CETP: variants seen among roughly 807,000 people sequenced by gnomAD.
The protein encoded by CETP is cholesteryl ester transfer protein.
CETP carries 56 observed loss-of-function variants against 66.5 expected under a neutral mutation model. That is an observed-to-expected ratio of 0.84 (90% CI 0.68 to 1.05). The LOEUF is 1.05. Ranked by LOEUF, CETP falls within the 50% of genes least tolerant of loss-of-function variation. The pLI is 0.00. For missense variants in CETP, 612 were observed against 609.6 expected, an observed-to-expected ratio of 1.00 and a Z score of -0.04; for synonymous variants, 251 against 245.7, an observed-to-expected ratio of 1.02 and a Z score of -0.20.
At chr16:56,963,409 G>T (rs1407000275) in intron 2 of CETP, among the ~76,000 whole-genome samples, 1 of 151,548 alleles carries the variant, frequency 6.6e-6, no homozygotes, top group Non-Finnish European at 1.5e-5. Flanking sequence ...TTATTTCGGG[G>T]TGAATGGGGG....
chr16:56,971,956 A>C (rs1404025438), intron 7 of CETP, 36 bp from the exon 8 acceptor site: 2 of 1,579,652 alleles, frequency 1.3e-6, no homozygotes, highest in South Asian at 1.1e-5. Context: ...CAATTCCCCC[A>C]TCCTGAGGCC....
intron 2 of CETP, among the ~76,000 whole-genome samples, chr16:56,967,064 G>A (rs555545158): frequency 1.6e-4 from 24 of 152,074 alleles, no homozygotes; most frequent in African/African-American, 5.1e-4. Flanking sequence ...AATTTGGTAC[G>A]TGGCTGGGCG....
At chr16:56,963,175 A>G (rs2056038186) in intron 2 of CETP, 51 bp downstream of exon 2, 1 of 1,451,346 alleles carries the variant, frequency 6.9e-7, no homozygotes, top group South Asian at 1.1e-5. Context: ...GGCGGGAGGA[A>G]CAGCCTGGGG....
At chr16:56,976,475 C>CTT (rs566143469) in intron 10 of CETP, among the ~76,000 whole-genome samples, 154 of 143,710 alleles carry the variant, frequency 1.1e-3, no homozygotes, top group African/African-American at 3.9e-3. Context: ...TCTTTTCTTT[C>CTT]TTTTTTTTTT....
At chr16:56,983,251 T>C in intron 14 of CETP, 75 bp from the exon 15 acceptor site, 4 of 1,200,050 alleles carry the variant, frequency 3.3e-6, no homozygotes, top group Non-Finnish European at 5.0e-6. Flanking sequence ...CATCTCCCAC[T>C]ACCCAGGGTG....
chr16:56,962,343 G>A (rs746230197), intron 1 of CETP: 1 of 709,340 alleles, frequency 1.4e-6, no homozygotes, highest in African/African-American at 1.7e-5. Context: ...ATAGGGATTT[G>A]TGTTTGTCTG....
chr16:56,974,500 T>C (rs1470862594), intron 9 of CETP, among the ~76,000 whole-genome samples: 1 of 151,164 alleles, frequency 6.6e-6, no homozygotes, highest in Non-Finnish European at 1.5e-5. Context: ...TGTTGCCAGA[T>C]AGATAGATGG....
At chr16:56,976,403 C>A (rs1229989566) in intron 10 of CETP, among the ~76,000 whole-genome samples, 1 of 152,114 alleles carries the variant, frequency 6.6e-6, no homozygotes, top group African/African-American at 2.4e-5. Context: ...TCCCACCCAG[C>A]GTAATTGTAA....
At chr16:56,971,602 A>G (rs1400865964) in intron 7 of CETP, among the ~76,000 whole-genome samples, 1 of 152,158 alleles carries the variant, frequency 6.6e-6, no homozygotes, top group Non-Finnish European at 1.5e-5. Flanking sequence ...AGTCTATAGA[A>G]CTCAGGACAA....
In CETP at chr16:56,969,926, G is replaced by A. The variant is rs1274872450; in HGVS notation, c.452G>A (p.Gly151Asp). The change falls in exon 5 of 16, where the codon GGT (glycine) becomes GAT (aspartate). Residue 151 changes from glycine (G) to aspartate (D), a missense_variant. By Grantham distance (94) the Gly-to-Asp change is moderately conservative. Coordinates refer to ENST00000200676, the MANE Select transcript of CETP (RefSeq NM_000078.3). ...QINTQLTCDS[G>D]RVRTDAPDCY... ...GGTCTCCCTGCAGCCTGTGACTCTGGTAGAGTGCGGACCGATGCCCCTGAC... is the reference window on the plus strand; with the variant it reads ...GGTCTCCCTGCAGCCTGTGACTCTGATAGAGTGCGGACCGATGCCCCTGAC... 3.1e-6 allele frequency: 5 copies of A among 1,614,152 alleles called. No individual in the cohort carries two copies. In the South Asian group the frequency reaches 5.5e-5, roughly 18 times the overall value.
rs1489056459 is a variant in CETP at position 56,964,386 on chromosome 16, C to T, written c.233+1262C>T. On this transcript the variant is annotated intron_variant, in intron 2 of 15. Transcript: ENST00000200676. ...TGTAAAAGAGGATAATGCCATCGCC[C>T]GGATGACCCTGCTTAACAAACACGG... Among the ~76,000 whole-genome samples, 3 of 152,140 alleles carry T rather than the reference C, an allele frequency of 2.0e-5. No individual in the cohort carries two copies. In the East Asian group the frequency reaches 5.8e-4, roughly 29 times the overall value.
intron 10 of CETP, among the ~76,000 whole-genome samples, chr16:56,977,211 G>A (rs12720903): frequency 0.016 from 2,428 of 152,164 alleles, 73 homozygotes; most frequent in African/African-American, 0.055. Context: ...GCACCCCGCC[G>A]GCCCTTTCTT....
At position 56,963,025 on chromosome 16, in the gene CETP, C is replaced by T. The variant is rs200956328; in HGVS notation, c.134C>T (p.Ala45Val). ...PALLVLNHET[A>V]KVIQTAFQRA... ...TCCCCTCTAGTGAACCACGAGACTG[C>T]CAAGGTGATCCAGACCGCCTTCCAG... The change falls in exon 2 of 16, where the codon GCC (alanine) becomes GTC (valine). Residue 45 changes from alanine (A) to valine (V), a missense_variant. Transcript: ENST00000200676. 4.3e-6 allele frequency: 7 copies of T among 1,614,142 alleles called. No homozygotes were observed. Among genetic ancestry groups the T allele is most frequent in the Non-Finnish European group, 5.9e-6 (7 of 1,179,976 alleles).
intron 11 of CETP, among the ~76,000 whole-genome samples, chr16:56,979,039 C>A (rs2056169990): frequency 6.6e-6 from 1 of 152,066 alleles, no homozygotes; most frequent in Non-Finnish European, 1.5e-5. Context: ...GTGGGCCCAG[C>A]TGGTCTGAGA....
intron 3 of CETP, 40 bp downstream of exon 3, chr16:56,969,560 T>G (rs762140903): frequency 1.1e-5 from 18 of 1,614,086 alleles, no homozygotes; most frequent in Non-Finnish European, 1.4e-5. Flanking sequence ...GCCCTGGCCC[T>G]CTCTGGGCTG....
chr16:56,963,008 A>G lies in CETP; in HGVS notation c.119-2A>G. ...CCCCTCATCCACTGCCCTCCCCTCT[A>G]GTGAACCACGAGACTGCCAAGGTGA... is the stretch of plus-strand genomic sequence containing the variant. On this transcript the variant is annotated splice_acceptor_variant, in intron 1 of 15. Transcript: ENST00000200676. LOFTEE classifies it high-confidence loss of function. 4 of 1,613,480 alleles carry G rather than the reference A, an allele frequency of 2.5e-6. No individual in the cohort carries two copies. Among genetic ancestry groups the G allele is most frequent in the Non-Finnish European group, 3.4e-6 (4 of 1,179,430 alleles).
chr16:56,962,133 T>TC (rs2056027934), intron 1 of CETP, 36 bp downstream of exon 1: 1 of 1,551,652 alleles, frequency 6.4e-7, no homozygotes, highest in Admixed American at 1.7e-5. Flanking sequence ...CTGCCAGGGG[T>TC]CTTTTCATGG....
Position 56,983,683 on chromosome 16 carries a change from C to G in CETP, c.*17C>G, listed in dbSNP as rs773557160. On this transcript the variant is annotated 3_prime_UTR_variant, in exon 16 of 16. Transcript: ENST00000200676. ...TTGAGCTAGAAGTCTCCAAGGAGGT[C>G]GGGATGGGGCTTGTAGCAGAAGGCA... The G allele has an allele frequency of 6.2e-7, 1 of 1,611,858 alleles. No individual in the cohort carries two copies. Among genetic ancestry groups the G allele is most frequent in the Non-Finnish European group, 8.5e-7 (1 of 1,178,118 alleles).
At chr16:56,964,914 T>G (rs1429742627) in intron 2 of CETP, among the ~76,000 whole-genome samples, 2 of 152,106 alleles carry the variant, frequency 1.3e-5, no homozygotes, top group Admixed American at 6.5e-5. Flanking sequence ...GGTAGGAGGA[T>G]TACCTCAGCC....
Sources: allele counts gnomAD v4.1 joint callset (sites outside exome capture counted in the v4.1 genomes callset), GRCh38; gene constraint gnomAD v4.1.1; transcripts MANE v1.5; gene names NCBI Gene and HGNC (gene_info 2026-07-23, HGNC 2026-07-21).